Variants in NUP50 observed in about 807,000 individuals in gnomAD.
NUP50 encodes the protein nuclear pore complex protein Nup50.
Under a neutral mutation model 36.8 loss-of-function variants are expected in NUP50, and 14 were observed. The observed-to-expected ratio is 0.38, with a 90% CI of 0.25 to 0.59. NUP50 has a LOEUF of 0.59. Ranked by LOEUF, NUP50 falls within the 20% of genes least tolerant of loss-of-function variation. The pLI is 0.63. For missense variants in NUP50, 455 were observed against 564.6 expected (o/e 0.81, Z 1.97); for synonymous variants, 195 against 210.8 (o/e 0.93, Z 0.65).
At chr22:45,172,703 T>G (rs2074214963) in intron 3 of NUP50, among the ~76,000 whole-genome samples, 1 of 152,192 alleles carries the variant, frequency 6.6e-6, no homozygotes, top group Non-Finnish European at 1.5e-5. Context: ...GCCAAAGTTT[T>G]GATCATAAAA....
At chr22:45,184,230 C>G (rs1000528338) in intron 7 of NUP50, 17 of 555,826 alleles carry the variant, frequency 3.1e-5, no homozygotes, top group African/African-American at 2.8e-4. Context: ...GTGCAGAGAC[C>G]CGGGCTGGAG....
chr22:45,177,958 C>G, intron 4 of NUP50: 1 of 355,024 alleles, frequency 2.8e-6, no homozygotes, highest in Non-Finnish European at 5.3e-6. Flanking sequence ...GAAACCCCAT[C>G]TCTACTAAAA....
In NUP50 at chr22:45,175,795, A is replaced by G. The variant is rs1397805494; in HGVS notation, c.154-99A>G. 10 of 1,059,662 alleles carry G rather than the reference A, an allele frequency of 9.4e-6. No individual in the cohort carries two copies. The Admixed American group carries it at 2.3e-4, about 24-fold the overall frequency. 65.6% of individuals were successfully genotyped at this position (1,059,662 alleles called of 1,614,324 possible). A position where few individuals can be genotyped will look rare whatever the true frequency, so the allele number is the denominator to read the frequency against. ...GCCTTATAACGCTGACTGCATGTGGAGTCTAGGTGCTGTTTAGCCAAGATG... is the reference window on the plus strand; with the variant it reads ...GCCTTATAACGCTGACTGCATGTGGGGTCTAGGTGCTGTTTAGCCAAGATG... On this transcript the variant is annotated intron_variant, in intron 3 of 7. Transcript: ENST00000347635.
At position 45,187,510 on chromosome 22, in the gene NUP50, T is replaced by G. The variant is rs540150859; in HGVS notation, c.*2855T>G. The G allele has an allele frequency of 3.9e-5, 6 of 152,382 alleles. No homozygotes were observed. Among genetic ancestry groups the G allele is most frequent in the African/African-American group, 1.4e-4 (6 of 41,588 alleles). The allele number at this position is 152,382 out of a possible 1,614,324, so 9.4% of individuals were successfully genotyped here. ...TACTAGTAGAGTTCAAAACAAGTTT[T>G]CACTGAGAGCCTTTTCAGTAAAAGT... On this transcript the variant is annotated 3_prime_UTR_variant, in exon 8 of 8. Coordinates refer to ENST00000347635, the MANE Select transcript of NUP50 (RefSeq NM_007172.4).
In NUP50 at chr22:45,184,956, G is replaced by A. The variant is rs1018359514; in HGVS notation, c.*301G>A. 2.5e-5 allele frequency: 9 copies of A among 363,066 alleles called. No homozygotes were observed. The highest frequency in any genetic ancestry group is 8.9e-4 in the Middle Eastern group (1 of 1,118). The allele number at this position is 363,066 out of a possible 1,614,324, so 22.5% of individuals were successfully genotyped here. On this transcript the variant is annotated 3_prime_UTR_variant, in exon 8 of 8. Coordinates refer to ENST00000347635, the MANE Select transcript of NUP50 (RefSeq NM_007172.4). The stretch of plus-strand genomic sequence containing the variant: ...GATTTCTTCAAGGACTGCAATCAGG[G>A]TATCAATTTGCTTTCCCAAAGGCTC...
chr22:45,181,272 C>T lies in NUP50; in HGVS notation c.1004-14C>T, dbSNP rs536418478. ...GATTGGAATCTTACTGAATTATTGT[C>T]ATTTTTATAAAAGGTGGAGATGAAG... On this transcript the variant is annotated splice_polypyrimidine_tract_variant and intron_variant, in intron 5 of 7. Coordinates refer to ENST00000347635, the MANE Select transcript of NUP50 (RefSeq NM_007172.4). 7 of 1,571,270 alleles carry T rather than the reference C, an allele frequency of 4.5e-6. No homozygotes were observed. In the African/African-American group the frequency reaches 6.9e-5, roughly 15 times the overall value.
In NUP50 at chr22:45,176,088, G is replaced by A. The variant is rs1450619233; in HGVS notation, c.340+8G>A. 1.2e-6 allele frequency: 2 copies of A among 1,611,762 alleles called. No individual in the cohort carries two copies. Among genetic ancestry groups the A allele is most frequent in the South Asian group, 1.1e-5 (1 of 90,914 alleles). On this transcript the variant is annotated splice_region_variant and intron_variant, in intron 4 of 7. Coordinates refer to ENST00000347635, the MANE Select transcript of NUP50 (RefSeq NM_007172.4). ...ATCCCAAGGTAGCCTTTGGTAAGTA[G>A]CTCCCATCCCCCAGCCGCCTGTGTA...
intron 4 of NUP50, among the ~76,000 whole-genome samples, chr22:45,177,510 G>A (rs747564146): frequency 6.6e-6 from 1 of 152,094 alleles, no homozygotes; most frequent in Non-Finnish European, 1.5e-5. Context: ...TGTAGAACCT[G>A]CAGGTACAGA....
At chr22:45,183,079 T>A (rs1192663010) in intron 6 of NUP50, among the ~76,000 whole-genome samples, 2 of 7,934 alleles carry the variant, frequency 2.5e-4, no homozygotes, top group Admixed American at 3.8e-3. Context: ...TGGCAGGGGT[T>A]GGGGGCGGGG....
chr22:45,187,199 A>G lies in NUP50; in HGVS notation c.*2544A>G, dbSNP rs552158925. The G allele has an allele frequency of 7.0e-6, 1 of 143,770 alleles. No individual in the cohort carries two copies. Among genetic ancestry groups the G allele is most frequent in the South Asian group, 2.2e-4 (1 of 4,646 alleles). 8.9% of individuals were successfully genotyped at this position (143,770 alleles called of 1,614,324 possible). A position where few individuals can be genotyped will look rare whatever the true frequency, so the allele number is the denominator to read the frequency against. On this transcript the variant is annotated 3_prime_UTR_variant, in exon 8 of 8. Coordinates refer to ENST00000347635, the MANE Select transcript of NUP50 (RefSeq NM_007172.4). Reference sequence around the variant, plus strand: ...TTTTTTTTTTAAAACCTGTGTATCCATCTCATCCTTTTGCGCATTCCTAGT... The same window carrying G: ...TTTTTTTTTTAAAACCTGTGTATCCGTCTCATCCTTTTGCGCATTCCTAGT...
At chr22:45,173,734 A>C (rs915921990) in intron 3 of NUP50, among the ~76,000 whole-genome samples, 9 of 152,206 alleles carry the variant, frequency 5.9e-5, no homozygotes, top group Non-Finnish European at 1.3e-4. Context: ...AGGGGCAGTC[A>C]CCTGTGCAAC....
chr22:45,181,418 A>G lies in NUP50; in HGVS notation c.1085+51A>G, dbSNP rs367745236. The G allele has an allele frequency of 3.3e-5, 41 of 1,236,166 alleles. No homozygotes were observed. In the African/African-American group the frequency reaches 5.6e-4, roughly 17 times the overall value. 76.6% of individuals were successfully genotyped at this position (1,236,166 alleles called of 1,614,324 possible). Reference sequence around the variant, plus strand: ...GCATGTGTTTTGCAGGCATGGTGGCATGCTTCAGGCTGGAGAATGTCCTCA... The same window carrying G: ...GCATGTGTTTTGCAGGCATGGTGGCGTGCTTCAGGCTGGAGAATGTCCTCA... On this transcript the variant is annotated intron_variant, in intron 6 of 7. Transcript: ENST00000347635.
At chr22:45,168,368 A>G (rs566813531) in intron 2 of NUP50, 122 bp downstream of exon 2, 7 of 673,044 alleles carry the variant, frequency 1.0e-5, no homozygotes, top group Non-Finnish European at 1.8e-5. Context: ...CATGAATGGG[A>G]GATGACAAGA....
chr22:45,179,048 T>G (rs1299298999), intron 5 of NUP50, 148 bp downstream of exon 5: 3 of 679,300 alleles, frequency 4.4e-6, no homozygotes, highest in African/African-American at 1.8e-5. Context: ...CTAATCAGCT[T>G]CTCTGAGTTT....
chr22:45,182,632 T>TTTTTTTG (rs1555894565), intron 6 of NUP50, among the ~76,000 whole-genome samples: 3 of 139,564 alleles, frequency 2.1e-5, no homozygotes, highest in African/African-American at 8.4e-5. Flanking sequence ...TGTTTTTTTT[T>TTTTTTTG]TTTTTTTTTT....
At chr22:45,171,739 A>C (rs1170092617) in intron 3 of NUP50, 56 bp downstream of exon 3, 5 of 1,348,352 alleles carry the variant, frequency 3.7e-6, no homozygotes, top group Non-Finnish European at 5.3e-6. Context: ...TCTGGGTTGC[A>C]CAGCAATCCC....
intron 1 of NUP50, among the ~76,000 whole-genome samples, chr22:45,167,363 A>C (rs1808381480): frequency 6.6e-6 from 1 of 152,136 alleles, no homozygotes; most frequent in Non-Finnish European, 1.5e-5. Context: ...TGTTGTTATG[A>C]TATTAAGATC....
At chr22:45,170,380 C>G (rs892627784) in intron 2 of NUP50, among the ~76,000 whole-genome samples, 4 of 152,148 alleles carry the variant, frequency 2.6e-5, no homozygotes, top group African/African-American at 9.7e-5. Flanking sequence ...ACAGTCGTAC[C>G]TTATCAGCAG....
At chr22:45,170,009 G>A (rs2074160296) in intron 2 of NUP50, among the ~76,000 whole-genome samples, 1 of 152,210 alleles carries the variant, frequency 6.6e-6, no homozygotes, top group South Asian at 2.1e-4. Flanking sequence ...AATAGTGAAA[G>A]TTTTAAAGTC....
Sources: allele counts gnomAD v4.1 joint callset (sites outside exome capture counted in the v4.1 genomes callset), GRCh38; gene constraint gnomAD v4.1.1; transcripts MANE v1.5; gene names NCBI Gene and HGNC (gene_info 2026-07-23, HGNC 2026-07-21).